XIRP2: variants seen among roughly 807,000 people sequenced by gnomAD.
XIRP2 encodes the protein xin actin-binding repeat-containing protein 2.
In XIRP2, 236 loss-of-function variants were observed where a neutral mutation model predicts 277.0. The ratio of observed to expected loss-of-function variants is 0.85; its 90% CI spans 0.77 to 0.95. The LOEUF (loss-of-function observed/expected upper bound fraction) is 0.95. Ranked by LOEUF, XIRP2 falls within the 40% of genes least tolerant of loss-of-function variation. The pLI, the probability that XIRP2 is intolerant of heterozygous loss-of-function variation, is 0.00. For synonymous variants in XIRP2, 1,490 were observed against 1,416.5 expected, an observed-to-expected ratio of 1.05 and a Z score of -1.17; for missense variants, 4,640 against 4,157.5, an observed-to-expected ratio of 1.12 and a Z score of -3.19.
chr2:167,049,029 TC>T (rs1223990682), intron 2 of XIRP2, among the ~76,000 whole-genome samples: 2 of 152,004 alleles, frequency 1.3e-5, no homozygotes, highest in East Asian at 3.9e-4. Context: ...TTGGCTTCTC[TC>T]CCTACCTAAG....
chr2:167,003,689 G>T (rs1302107859), intron 2 of XIRP2, among the ~76,000 whole-genome samples: 2 of 151,898 alleles, frequency 1.3e-5, no homozygotes, highest in Non-Finnish European at 2.9e-5. Flanking sequence ...ACTTTAAAGA[G>T]ATTTTAAATG....
At chr2:167,121,724 G>A (rs1691063018) in intron 2 of XIRP2, among the ~76,000 whole-genome samples, 1 of 152,132 alleles carries the variant, frequency 6.6e-6, no homozygotes. Flanking sequence ...ACTGAGAAGG[G>A]AAAGAAGGCA....
intron 10 of XIRP2, among the ~76,000 whole-genome samples, chr2:167,254,770 C>A (rs1436611566): frequency 6.6e-6 from 1 of 151,846 alleles, no homozygotes; most frequent in Non-Finnish European, 1.5e-5. Context: ...AAGAGAAAAA[C>A]TCTGTTTTTT....
At chr2:167,051,912 C>A (rs906164280) in intron 2 of XIRP2, among the ~76,000 whole-genome samples, 3 of 151,962 alleles carry the variant, frequency 2.0e-5, no homozygotes, top group Admixed American at 6.6e-5. Flanking sequence ...AGTTAAAATC[C>A]ATTTCTTGAA....
At chr2:166,929,851 C>T (rs563498865) in intron 2 of XIRP2, among the ~76,000 whole-genome samples, 17 of 152,128 alleles carry the variant, frequency 1.1e-4, no homozygotes, top group African/African-American at 1.4e-4. Flanking sequence ...TCTGCATTCA[C>T]GCTTTTGACA....
chr2:167,222,228 A>G lies in XIRP2; in HGVS notation c.858+3928A>G, dbSNP rs146359686. Among the ~76,000 whole-genome samples the G allele has an allele frequency of 5.0e-4, 76 of 152,298 alleles. 1 individual carries two copies. Among genetic ancestry groups the G allele is most frequent in the Middle Eastern group, 6.8e-3 (2 of 294 alleles). On this transcript the variant is annotated intron_variant, in intron 5 of 10. Transcript: ENST00000409195. The stretch of plus-strand genomic sequence containing the variant: ...TTAAACTTAGGATGATGTCCCATGT[A>G]TGTATTCTAGACTTGCCATGCTTTT...
chr2:166,981,556 G>T (rs1271994126), intron 2 of XIRP2, among the ~76,000 whole-genome samples: 2 of 152,014 alleles, frequency 1.3e-5, no homozygotes, highest in Non-Finnish European at 2.9e-5. Context: ...AGAGTAGCTG[G>T]GACTACAGGT....
chr2:167,222,645 G>A (rs1447314044), intron 5 of XIRP2, among the ~76,000 whole-genome samples: 1 of 152,072 alleles, frequency 6.6e-6, no homozygotes. Context: ...CTTGAGAGGG[G>A]TGTCTTTTTA....
chr2:167,183,458 T>A (rs73027816), intron 3 of XIRP2, among the ~76,000 whole-genome samples: 15,016 of 152,248 alleles, frequency 0.099, 794 homozygotes, highest in South Asian at 0.15. Flanking sequence ...TCCATACCCA[T>A]GCTTTCTATT....
chr2:167,140,056 T>A (rs1691666463), intron 3 of XIRP2, among the ~76,000 whole-genome samples: 1 of 145,448 alleles, frequency 6.9e-6, no homozygotes, highest in African/African-American at 2.5e-5. Context: ...AAGTTCATGT[T>A]GGCAAAATAG....
At chr2:166,948,855 T>G (rs887140994) in intron 2 of XIRP2, among the ~76,000 whole-genome samples, 1 of 152,052 alleles carries the variant, frequency 6.6e-6, no homozygotes, top group Non-Finnish European at 1.5e-5. Flanking sequence ...AAAACACGGT[T>G]TTGTACAGTT....
intron 2 of XIRP2, among the ~76,000 whole-genome samples, chr2:167,003,429 A>C (rs1687423589): frequency 6.6e-6 from 1 of 151,888 alleles, no homozygotes; most frequent in African/African-American, 2.4e-5. Context: ...AAAGAAGAGA[A>C]GATATTTGAG....
intron 2 of XIRP2, among the ~76,000 whole-genome samples, chr2:166,943,075 C>A (rs954893958): frequency 2.6e-5 from 4 of 152,002 alleles, no homozygotes; most frequent in Non-Finnish European, 4.4e-5. Flanking sequence ...ACAATTAATA[C>A]CTCCATTGAA....
At chr2:166,888,867 A>C (rs1269689280) in intron 1 of XIRP2, among the ~76,000 whole-genome samples, 1 of 152,214 alleles carries the variant, frequency 6.6e-6, no homozygotes, top group Non-Finnish European at 1.5e-5. Flanking sequence ...AAGTTTGGCT[A>C]TATATTATAT....
chr2:167,068,554 T>C (rs1689360501), intron 2 of XIRP2, among the ~76,000 whole-genome samples: 2 of 152,196 alleles, frequency 1.3e-5, no homozygotes, highest in South Asian at 4.1e-4. Flanking sequence ...CACCAGATAG[T>C]AAATACCTTA....
rs1574271096 is a variant in XIRP2 at position 167,119,326 on chromosome 2, A to T, written c.409-16583A>T. Among the ~76,000 whole-genome samples the T allele has an allele frequency of 2.0e-5, 3 of 152,232 alleles. No individual in the cohort carries two copies. The East Asian group carries it at 5.8e-4, about 29-fold the overall frequency. Reference sequence around the variant, plus strand: ...GAAGAATTATAAAAGTATTTGAAATATAATTTTTTAAAGGATACAGTATCT... The same window carrying T: ...GAAGAATTATAAAAGTATTTGAAATTTAATTTTTTAAAGGATACAGTATCT... On this transcript the variant is annotated intron_variant, in intron 2 of 10. Coordinates refer to ENST00000409195, the MANE Select transcript of XIRP2 (RefSeq NM_152381.6).
At position 167,244,128 on chromosome 2, in the gene XIRP2, A is replaced by G. The variant is rs888231718; in HGVS notation, c.2736A>G (p.Gln912=). The change falls in exon 9 of 11, where the codon CAA becomes CAG. Residue 912 remains glutamine (Q), a synonymous_variant. Transcript: ENST00000409195. The part of the protein sequence containing the change: ...SEEEKGDVRH[Q]KWIFETQPLE... Reference sequence around the variant, plus strand: ...AAGAAAAAGGGGATGTTAGGCATCAAAAATGGATTTTTGAAACCCAACCTC... The same window carrying G: ...AAGAAAAAGGGGATGTTAGGCATCAGAAATGGATTTTTGAAACCCAACCTC... 14 of 1,613,932 alleles carry G rather than the reference A, an allele frequency of 8.7e-6. No individual in the cohort carries two copies. The highest frequency in any genetic ancestry group is 2.7e-5 in the African/African-American group (2 of 74,932).
intron 5 of XIRP2, among the ~76,000 whole-genome samples, chr2:167,223,749 A>G (rs1363236608): frequency 1.3e-5 from 2 of 152,202 alleles, no homozygotes; most frequent in African/African-American, 2.4e-5. Context: ...CTCTATCAAC[A>G]TACAAGGTTG....
Position 167,242,927 on chromosome 2 carries a change from AC to A in XIRP2, c.1536del (p.Leu513Ter). On this transcript the variant is annotated frameshift_variant, in exon 9 of 11. Coordinates refer to ENST00000409195, the MANE Select transcript of XIRP2 (RefSeq NM_152381.6). LOFTEE classifies it high-confidence loss of function. ...CACATCCATCCTGAGTTAAGAAAAAACTTAGAAAAAGATTATATCAGTGAAG... is the reference window on the plus strand; with the variant it reads ...CACATCCATCCTGAGTTAAGAAAAAATTAGAAAAAGATTATATCAGTGAAG... ...YKHIHPELRKNLEKDYISEVS... is the reference protein window; with the variant it reads ...YKHIHPELRKXLEKDYISEVS... 3 of 1,613,516 alleles carry A rather than the reference AC, an allele frequency of 1.9e-6. No individual in the cohort carries two copies. The highest frequency in any genetic ancestry group is 2.5e-6 in the Non-Finnish European group (3 of 1,179,864).
Sources: allele counts gnomAD v4.1 joint callset (sites outside exome capture counted in the v4.1 genomes callset), GRCh38; gene constraint gnomAD v4.1.1; transcripts MANE v1.5; gene names NCBI Gene and HGNC (gene_info 2026-07-23, HGNC 2026-07-21).